The following MED13 variants were observed in gnomAD, a reference collection of about 807,000 sequenced individuals.
MED13 encodes the protein mediator complex subunit 13.
In MED13, 23 loss-of-function variants were observed where a neutral mutation model predicts 225.2. The ratio of observed to expected loss-of-function variants is 0.10; its 90% CI spans 0.07 to 0.14. MED13 has a LOEUF of 0.14. MED13 is among the 10% of genes least tolerant of loss of function. The pLI, the probability that MED13 is intolerant of heterozygous loss-of-function variation, is 1.00. For missense variants in MED13, 2,197 were observed against 2,594.5 expected (o/e 0.85, Z 3.33); for synonymous variants, 942 against 889.2 (o/e 1.06, Z -1.06).
intron 8 of MED13, among the ~76,000 whole-genome samples, chr17:62,025,503 A>G (rs1383315051): frequency 6.6e-6 from 1 of 152,162 alleles, no homozygotes; most frequent in Non-Finnish European, 1.5e-5. Context: ...CCCCGTCTCT[A>G]CTAAATAATA....
At chr17:62,062,467 T>G (rs538902089) in intron 2 of MED13, among the ~76,000 whole-genome samples, 5 of 152,276 alleles carry the variant, frequency 3.3e-5, no homozygotes, top group South Asian at 4.1e-4. Context: ...TTTCTCTTAT[T>G]ATGTTTGACA....
chr17:62,052,508 A>C, intron 3 of MED13, 29 bp downstream of exon 3: 1 of 1,486,752 alleles, frequency 6.7e-7, no homozygotes, highest in African/African-American at 1.4e-5. Flanking sequence ...ATCTAAAGAA[A>C]TATCACGTCA....
At chr17:62,024,667 A>AT (rs1490377501) in intron 8 of MED13, among the ~76,000 whole-genome samples, 1 of 151,998 alleles carries the variant, frequency 6.6e-6, no homozygotes, top group Non-Finnish European at 1.5e-5. Context: ...TCCAATAGTT[A>AT]TTTTTTCTGC....
intron 23 of MED13, 95 bp downstream of exon 23, chr17:61,960,772 A>T: frequency 2.5e-6 from 2 of 805,960 alleles, no homozygotes; most frequent in East Asian, 5.5e-5. Context: ...ATATTTTAAT[A>T]TATATAAAAC....
chr17:62,029,708 A>G, intron 7 of MED13, 57 bp from the exon 8 acceptor site: 6 of 1,543,714 alleles, frequency 3.9e-6, no homozygotes, highest in Non-Finnish European at 5.3e-6. Context: ...ATCAAACCTC[A>G]ATGTAGCATT....
At chr17:62,048,050 A>ATG (rs2080916153) in intron 3 of MED13, among the ~76,000 whole-genome samples, 2 of 144,030 alleles carry the variant, frequency 1.4e-5, no homozygotes, top group Non-Finnish European at 1.5e-5. Flanking sequence ...ATACATATAT[A>ATG]TATATATATA....
At chr17:62,051,316 G>A (rs989617664) in intron 3 of MED13, among the ~76,000 whole-genome samples, 9 of 152,160 alleles carry the variant, frequency 5.9e-5, no homozygotes, top group African/African-American at 1.9e-4. Flanking sequence ...TGCAACACAC[G>A]GGAGGACCAT....
chr17:61,961,949 C>A (rs1485884251), intron 21 of MED13, among the ~76,000 whole-genome samples, 170 bp from the exon 22 acceptor site: 1 of 152,038 alleles, frequency 6.6e-6, no homozygotes, highest in Non-Finnish European at 1.5e-5. Context: ...TAATAAGTAG[C>A]CAATTTTACC....
intron 23 of MED13, among the ~76,000 whole-genome samples, chr17:61,958,149 C>A (rs1372962921): frequency 6.6e-6 from 1 of 152,004 alleles, no homozygotes; most frequent in Non-Finnish European, 1.5e-5. Context: ...CAGGCGTGAG[C>A]CACCGCGCCC....
At chr17:62,034,013 G>T in intron 4 of MED13, 29 bp from the exon 5 acceptor site, 1 of 1,582,088 alleles carries the variant, frequency 6.3e-7, no homozygotes, top group Non-Finnish European at 8.7e-7. Context: ...CATCAAATAA[G>T]TAACAAAAGA....
intron 8 of MED13, among the ~76,000 whole-genome samples, chr17:62,013,469 T>C (rs2080531178): frequency 6.6e-6 from 1 of 151,660 alleles, no homozygotes; most frequent in African/African-American, 2.4e-5. Context: ...CTATTAATAC[T>C]ATTAATATAT....
chr17:61,984,007 C>T (rs762379561), intron 15 of MED13, among the ~76,000 whole-genome samples, 164 bp downstream of exon 15: 7 of 152,046 alleles, frequency 4.6e-5, no homozygotes, highest in Non-Finnish European at 1.0e-4. Context: ...GAATTACAGG[C>T]GTGATTCACT....
intron 12 of MED13, 42 bp downstream of exon 12, chr17:61,986,965 A>T: frequency 7.4e-7 from 1 of 1,359,726 alleles, no homozygotes; most frequent in African/African-American, 1.5e-5. Context: ...AATAAAATCA[A>T]GGAAAACAAA....
chr17:62,041,247 A>G (rs1159907241), intron 3 of MED13, among the ~76,000 whole-genome samples: 2 of 152,238 alleles, frequency 1.3e-5, no homozygotes, highest in Non-Finnish European at 2.9e-5. Context: ...TGAATCTTGA[A>G]GATTTTATGC....
chr17:62,043,131 A>T (rs2080867642), intron 3 of MED13, among the ~76,000 whole-genome samples: 1 of 130,952 alleles, frequency 7.6e-6, no homozygotes, highest in South Asian at 2.9e-4. Context: ...ACTCTGGCCT[A>T]GGAGACAAAG....
chr17:62,002,242 C>A (rs2080401742), intron 9 of MED13, among the ~76,000 whole-genome samples: 1 of 152,090 alleles, frequency 6.6e-6, no homozygotes, highest in African/African-American at 2.4e-5. Context: ...GTAATCCCAG[C>A]ACTTTGGGAG....
At chr17:61,952,871 G>A (rs530430001) in intron 27 of MED13, 94 bp downstream of exon 27, 15 of 1,401,702 alleles carry the variant, frequency 1.1e-5, no homozygotes, top group East Asian at 4.7e-5. Flanking sequence ...TCCTGACCTC[G>A]TGATCCACCT....
At chr17:62,023,664 C>A (rs556999017) in intron 8 of MED13, among the ~76,000 whole-genome samples, 85 of 152,238 alleles carry the variant, frequency 5.6e-4, no homozygotes, top group African/African-American at 1.9e-3. Context: ...CAATACAGAA[C>A]AGAACAGAGA....
intron 11 of MED13, among the ~76,000 whole-genome samples, chr17:61,989,832 C>A (rs1029091784): frequency 7.2e-5 from 11 of 152,224 alleles, no homozygotes; most frequent in African/African-American, 2.7e-4. Context: ...TTGCTCAAGA[C>A]TGCTTTAGCC....
Sources: gnomAD v4.1 joint callset for allele counts (sites outside exome capture counted in the v4.1 genomes callset) on GRCh38, gnomAD v4.1.1 for gene constraint, MANE v1.5 for transcripts, NCBI Gene and HGNC (gene_info 2026-07-23, HGNC 2026-07-21) for gene names.